The following CFAP299 variants were observed in gnomAD, a reference collection of about 807,000 sequenced individuals.
CFAP299 encodes cilia- and flagella-associated protein 299.
In CFAP299, 21 loss-of-function variants were observed where a neutral mutation model predicts 27.0. The observed-to-expected ratio is 0.78, with a 90% CI of 0.55 to 1.12. The LOEUF is 1.12. Ranked by LOEUF, CFAP299 falls within the 50% of genes most tolerant of loss-of-function variation. CFAP299 has a pLI of 0.00. For missense variants in CFAP299, 310 were observed against 276.6 expected, an observed-to-expected ratio of 1.12 and a Z score of -0.86; for synonymous variants, 104 against 98.1, an observed-to-expected ratio of 1.06 and a Z score of -0.36.
chr4:80,619,896 C>T (rs571322074), intron 3 of CFAP299, among the ~76,000 whole-genome samples: 49 of 151,954 alleles, frequency 3.2e-4, no homozygotes, highest in African/African-American at 1.1e-3. Context: ...TGTTTATTTT[C>T]CCCTGTGAAA....
chr4:80,446,161 A>C (rs1458195001), intron 2 of CFAP299, among the ~76,000 whole-genome samples: 4 of 152,206 alleles, frequency 2.6e-5, no homozygotes, highest in Admixed American at 6.5e-5. Context: ...GAAAAGGCAT[A>C]GGTGTTGTGT....
At chr4:80,469,427 C>CTTAA (rs1417104134) in intron 2 of CFAP299, among the ~76,000 whole-genome samples, 1 of 152,082 alleles carries the variant, frequency 6.6e-6, no homozygotes, top group African/African-American at 2.4e-5. Flanking sequence ...TCATATTTGT[C>CTTAA]TTAAGTTTTC....
At chr4:80,523,456 A>T (rs1002762522) in intron 2 of CFAP299, among the ~76,000 whole-genome samples, 1 of 152,150 alleles carries the variant, frequency 6.6e-6, no homozygotes, top group African/African-American at 2.4e-5. Flanking sequence ...TTAATTTTAT[A>T]TATCAACTTG....
At chr4:80,901,971 G>T (rs921420316) in intron 4 of CFAP299, among the ~76,000 whole-genome samples, 14 of 151,920 alleles carry the variant, frequency 9.2e-5, no homozygotes, top group Admixed American at 7.2e-4. Flanking sequence ...CTCTGATCTT[G>T]CCATTTCTAA....
In CFAP299 at chr4:80,871,223, T is replaced by C. The variant is rs535949149; in HGVS notation, c.476+1088T>C. ...AGCCTGACTCCCATCTCCACTGTAA[T>C]GGACTTAGCTCTTTCCTGTCCTACC... On this transcript the variant is annotated intron_variant, in intron 4 of 5. Transcript: ENST00000358105. 20 of 985,518 alleles carry C rather than the reference T, an allele frequency of 2.0e-5. No homozygotes were observed. The South Asian group carries it at 6.6e-4, about 32-fold the overall frequency. The allele number at this position is 985,518 out of a possible 1,614,324, so 61.0% of individuals were successfully genotyped here. A position where few individuals can be genotyped will look rare whatever the true frequency, so the allele number is the denominator to read the frequency against.
chr4:80,730,597 C>T (rs1445723326), intron 3 of CFAP299, among the ~76,000 whole-genome samples: 1 of 152,082 alleles, frequency 6.6e-6, no homozygotes, highest in Non-Finnish European at 1.5e-5. Flanking sequence ...TTCTTCACTC[C>T]CAGTCAAGCC....
intron 3 of CFAP299, among the ~76,000 whole-genome samples, chr4:80,795,258 C>G (rs1364774142): frequency 1.3e-5 from 2 of 152,210 alleles, no homozygotes; most frequent in Non-Finnish European, 2.9e-5. Flanking sequence ...TTCCAAGTCC[C>G]TGACCATACA....
chr4:80,430,161 A>G (rs1201572082), intron 2 of CFAP299, among the ~76,000 whole-genome samples: 1 of 152,168 alleles, frequency 6.6e-6, no homozygotes, highest in East Asian at 1.9e-4. Flanking sequence ...TTTACTAAAC[A>G]TGAATTATGT....
chr4:80,898,163 C>T lies in CFAP299; in HGVS notation c.476+28028C>T, dbSNP rs946554471. ...CCCTCTTATATCCACACTCATTGCT[C>T]GAGCTCTTGACCAGTGACCAAGAAA... is the stretch of plus-strand genomic sequence containing the variant. On this transcript the variant is annotated intron_variant, in intron 4 of 5. Coordinates refer to ENST00000358105, the MANE Select transcript of CFAP299 (RefSeq NM_152770.3). Among the ~76,000 whole-genome samples the T allele has an allele frequency of 3.3e-5, 5 of 152,194 alleles. No individual in the cohort carries two copies. The South Asian group carries it at 1.0e-3, about 32-fold the overall frequency.
intron 4 of CFAP299, among the ~76,000 whole-genome samples, chr4:80,937,560 A>T (rs529296965): frequency 6.6e-6 from 1 of 151,720 alleles, no homozygotes; most frequent in East Asian, 1.9e-4. Context: ...GGCTCAAATG[A>T]TCTGCCCACC....
intron 3 of CFAP299, among the ~76,000 whole-genome samples, chr4:80,813,601 A>G (rs1729272052): frequency 6.6e-6 from 1 of 152,050 alleles, no homozygotes; most frequent in African/African-American, 2.4e-5. Flanking sequence ...CTCCTTGACT[A>G]TATTTGTACC....
At chr4:80,695,697 G>A (rs560221712) in intron 3 of CFAP299, among the ~76,000 whole-genome samples, 1 of 136,310 alleles carries the variant, frequency 7.3e-6, no homozygotes, top group African/African-American at 2.6e-5. Flanking sequence ...TTTTGAGACA[G>A]GGTCTTGCTC....
intron 3 of CFAP299, among the ~76,000 whole-genome samples, chr4:80,858,574 C>T (rs902099785): frequency 2.0e-5 from 3 of 152,016 alleles, no homozygotes; most frequent in Non-Finnish European, 4.4e-5. Context: ...CTACACACTG[C>T]TTTGAATGCG....
chr4:80,506,395 T>C (rs1435062632), intron 2 of CFAP299, among the ~76,000 whole-genome samples: 1 of 152,112 alleles, frequency 6.6e-6, no homozygotes, highest in East Asian at 1.9e-4. Context: ...TTAGTTGAGA[T>C]AGTGCATTTG....
chr4:80,469,801 T>A (rs546373468), intron 2 of CFAP299, among the ~76,000 whole-genome samples: 29 of 152,296 alleles, frequency 1.9e-4, no homozygotes, highest in African/African-American at 6.3e-4. Context: ...CTCAGTCCTA[T>A]TAATATTGTA....
intron 2 of CFAP299, among the ~76,000 whole-genome samples, chr4:80,442,962 A>G (rs956380429): frequency 6.6e-6 from 1 of 152,220 alleles, no homozygotes; most frequent in Non-Finnish European, 1.5e-5. Context: ...TCCTGGACAC[A>G]TACACACTCC....
At chr4:80,348,658 C>T (rs145620285) in intron 1 of CFAP299, among the ~76,000 whole-genome samples, 2 of 152,138 alleles carry the variant, frequency 1.3e-5, no homozygotes, top group Non-Finnish European at 2.9e-5. Flanking sequence ...TCAGAAAAAA[C>T]CCAACCTGCC....
chr4:80,380,522 G>T (rs915857674), intron 2 of CFAP299, among the ~76,000 whole-genome samples: 2 of 149,442 alleles, frequency 1.3e-5, no homozygotes, highest in African/African-American at 2.5e-5. Context: ...CCACCTCCTG[G>T]GTTCAAATGA....
At chr4:80,728,820 C>T (rs192383675) in intron 3 of CFAP299, among the ~76,000 whole-genome samples, 1 of 152,296 alleles carries the variant, frequency 6.6e-6, no homozygotes, top group African/African-American at 2.4e-5. Flanking sequence ...GTCTCTATGT[C>T]ATGACTTCCT....
Sources: gnomAD v4.1 joint callset for allele counts (sites outside exome capture counted in the v4.1 genomes callset) on GRCh38, gnomAD v4.1.1 for gene constraint, MANE v1.5 for transcripts, NCBI Gene and HGNC (gene_info 2026-07-23, HGNC 2026-07-21) for gene names.